The following CASZ1 variants were observed in gnomAD, a reference collection of about 807,000 sequenced individuals.
CASZ1 encodes castor zinc finger 1.
In CASZ1, 28 loss-of-function variants were observed where a neutral mutation model predicts 135.2. That is an observed-to-expected ratio of 0.21 (90% CI 0.15 to 0.28). The LOEUF is 0.28. Among genes scored for constraint, CASZ1 ranks in the 10% least tolerant of loss-of-function variants. The pLI, the probability that CASZ1 is intolerant of heterozygous loss-of-function variation, is 1.00. For missense variants in CASZ1, 2,161 were observed against 2,453.3 expected, an observed-to-expected ratio of 0.88 and a Z score of 2.52; for synonymous variants, 1,068 against 1,073.4, an observed-to-expected ratio of 0.99 and a Z score of 0.10.
chr1:10,757,676 C>T lies in CASZ1; in HGVS notation c.-77+3025G>A, dbSNP rs915956658. Reference sequence around the variant, plus strand: ...GGTGGCGCTTGCCTATAATCCCAGCCACTCGAGAGGCTGAGGCAGGAGAAT... The same window carrying T: ...GGTGGCGCTTGCCTATAATCCCAGCTACTCGAGAGGCTGAGGCAGGAGAAT... On this transcript the variant is annotated intron_variant, in intron 2 of 20. Coordinates refer to ENST00000377022, the MANE Select transcript of CASZ1 (RefSeq NM_001079843.3). This position sits in a 1 kb window ranked among gnomAD's most constrained non-coding sequence, Gnocchi z 4.6. Among the ~76,000 whole-genome samples, 1 of 152,094 alleles carries T rather than the reference C, an allele frequency of 6.6e-6. No homozygotes were observed. The highest frequency in any genetic ancestry group is 1.5e-5 in the Non-Finnish European group (1 of 68,020).
chr1:10,750,547 C>T lies in CASZ1; in HGVS notation c.-77+10154G>A, dbSNP rs896374122. On this transcript the variant is annotated intron_variant, in intron 2 of 20. Transcript: ENST00000377022. ...CCTTCCAAAACGCTGGGATTACAGG[C>T]GTGAGCCACTGTGCCCAGCCCTGCT... 8.2e-4 allele frequency among the ~76,000 whole-genome samples: 125 copies of T among 152,216 alleles called. 3 individuals are homozygous for T. The highest frequency in any genetic ancestry group is 3.3e-4 in the Admixed American group (5 of 15,296).
At chr1:10,645,745 GC>G in intron 17 of CASZ1, among the ~76,000 whole-genome samples, 1 of 152,328 alleles carries the variant, frequency 6.6e-6, no homozygotes, top group African/African-American at 2.4e-5. Context: ...TGGGAGTCAG[GC>G]CTTTAAGGTG....
chr1:10,638,634 G>A lies in CASZ1; in HGVS notation c.*308C>T, dbSNP rs968627700. 1.3e-5 allele frequency: 2 copies of A among 153,792 alleles called. No individual in the cohort carries two copies. The highest frequency in any genetic ancestry group is 6.5e-5 in the Admixed American group (1 of 15,278). 9.5% of individuals were successfully genotyped at this position (153,792 alleles called of 1,614,324 possible). A position where few individuals can be genotyped will look rare whatever the true frequency, so the allele number is the denominator to read the frequency against. ...GGGGCCGAATCGGCCGCGGGGAGGG[G>A]CGCCGGGGCAGCGGCCGGGAGCTGC... On this transcript the variant is annotated 3_prime_UTR_variant, in exon 21 of 21. Coordinates refer to ENST00000377022, the MANE Select transcript of CASZ1 (RefSeq NM_001079843.3). This position sits in a 1 kb window ranked among gnomAD's most constrained non-coding sequence, Gnocchi z 5.9.
intron 20 of CASZ1, among the ~76,000 whole-genome samples, chr1:10,641,277 G>T (rs1642192109): frequency 6.6e-6 from 1 of 152,258 alleles, no homozygotes. Flanking sequence ...GAAGTCACAG[G>T]GTCTGGTTAT....
chr1:10,740,428 G>A (rs1436856714), intron 2 of CASZ1, among the ~76,000 whole-genome samples: 1 of 152,192 alleles, frequency 6.6e-6, no homozygotes, highest in African/African-American at 2.4e-5. Context: ...GCTCCTTCTG[G>A]CTTATGCCTG....
Position 10,692,112 on chromosome 1 carries a change from C to T in CASZ1, c.16+1762G>A, listed in dbSNP as rs547536229. Among the ~76,000 whole-genome samples, 292 of 152,320 alleles carry T rather than the reference C, an allele frequency of 1.9e-3. 1 individual carries two copies. The highest frequency in any genetic ancestry group is 6.6e-3 in the African/African-American group (276 of 41,572). ...AGAGGCTCTGCCACCTGCCTCCTAC[C>T]AGGGCTGGGAGGCCCTCGCTCCAGT... On this transcript the variant is annotated intron_variant, in intron 4 of 20. Coordinates refer to ENST00000377022, the MANE Select transcript of CASZ1 (RefSeq NM_001079843.3).
intron 4 of CASZ1, among the ~76,000 whole-genome samples, chr1:10,680,534 A>C (rs1638380355): frequency 6.6e-6 from 1 of 152,152 alleles, no homozygotes; most frequent in African/African-American, 2.4e-5. Flanking sequence ...TTTGGGTCTC[A>C]GGGGGTGCAG....
intron 20 of CASZ1, among the ~76,000 whole-genome samples, chr1:10,641,425 T>A (rs537967863): frequency 1.3e-5 from 2 of 152,022 alleles, no homozygotes; most frequent in East Asian, 3.9e-4. Flanking sequence ...CCGGGTGGTG[T>A]CTACGCTCAA....
Position 10,725,803 on chromosome 1 carries a change from G to T in CASZ1, c.-76-20259C>A, listed in dbSNP as rs1639585813. 6.6e-6 allele frequency among the ~76,000 whole-genome samples: 1 copy of T among 151,974 alleles called. No homozygotes were observed. Among genetic ancestry groups the T allele is most frequent in the Non-Finnish European group, 1.5e-5 (1 of 67,974 alleles). ...AGTGACAAGACAGCGGCAGTGGGGTGGGGAGGGAATGGCAAGGGGGGCCTG... is the reference window on the plus strand; with the variant it reads ...AGTGACAAGACAGCGGCAGTGGGGTTGGGAGGGAATGGCAAGGGGGGCCTG... On this transcript the variant is annotated intron_variant, in intron 2 of 20. Transcript: ENST00000377022. The surrounding 1 kb of genome is among the most constrained non-coding windows in gnomAD (Gnocchi z 4.4).
At chr1:10,744,432 C>T in intron 2 of CASZ1, among the ~76,000 whole-genome samples, 1 of 41,360 alleles carries the variant, frequency 2.4e-5, no homozygotes, top group Non-Finnish European at 4.7e-5. Context: ...CACGAGCAGG[C>T]ATGTCCTGGG....
At chr1:10,651,338 G>A (rs1642576523) in intron 11 of CASZ1, 1 of 244,788 alleles carries the variant, frequency 4.1e-6, no homozygotes, top group South Asian at 1.5e-4. Flanking sequence ...GGAGGGGGCT[G>A]GGGTGGGGGC....
rs753242915 is a variant in CASZ1 at position 10,655,720 on chromosome 1, G to A, written c.1594C>T (p.Leu532=). 2 of 1,614,198 alleles carry A rather than the reference G, an allele frequency of 1.2e-6. No individual in the cohort carries two copies. Among genetic ancestry groups the A allele is most frequent in the Non-Finnish European group, 1.7e-6 (2 of 1,180,008 alleles). Residue 532 remains leucine, a synonymous_variant, in exon 9 of 21, where the codon CTG becomes TTG. Transcript: ENST00000377022. ...LQHGFMRFSP[L]DDCSVYYHGC... Reference sequence around the variant, plus strand: ...TGGTAGTAGACGCTGCAGTCGTCCAGCGGGCTGAAACGCATGAAGCCGTGC... The same window carrying A: ...TGGTAGTAGACGCTGCAGTCGTCCAACGGGCTGAAACGCATGAAGCCGTGC...
chr1:10,740,833 C>T (rs1639903654), intron 2 of CASZ1, among the ~76,000 whole-genome samples: 1 of 151,282 alleles, frequency 6.6e-6, no homozygotes, highest in Non-Finnish European at 1.5e-5. Context: ...TGGCGCACAC[C>T]TGTAGTTCTG....
rs1369685029 is a variant in CASZ1 at position 10,759,350 on chromosome 1, C to T, written c.-77+1351G>A. Among the ~76,000 whole-genome samples the T allele has an allele frequency of 6.6e-6, 1 of 152,150 alleles. No individual in the cohort carries two copies. Among genetic ancestry groups the T allele is most frequent in the African/African-American group, 2.4e-5 (1 of 41,432 alleles). ...AGAAGACTTCAGCGCCACGAAACTC[C>T]CCCCACGGCCTTTTCCAGGTGACAG... On this transcript the variant is annotated intron_variant, in intron 2 of 20. Coordinates refer to ENST00000377022, the MANE Select transcript of CASZ1 (RefSeq NM_001079843.3). The surrounding 1 kb of genome is among the most constrained non-coding windows in gnomAD (Gnocchi z 4.2).
chr1:10,686,427 C>T (rs1638593436), intron 4 of CASZ1, among the ~76,000 whole-genome samples: 1 of 152,214 alleles, frequency 6.6e-6, no homozygotes, highest in South Asian at 2.1e-4. Context: ...TGTATCACGC[C>T]CCCTCTCACC....
At chr1:10,780,048 C>G (rs1384104363) in intron 1 of CASZ1, among the ~76,000 whole-genome samples, 1 of 152,188 alleles carries the variant, frequency 6.6e-6, no homozygotes, top group East Asian at 1.9e-4. Context: ...CCCAGAGAGA[C>G]ACGGGTTCCA....
At chr1:10,652,904 G>T (rs543077125) in intron 11 of CASZ1, 1 of 176,366 alleles carries the variant, frequency 5.7e-6, no homozygotes, top group Non-Finnish European at 1.2e-5. Flanking sequence ...GGGAGCCTGG[G>T]AAGGGCGTCC....
chr1:10,647,946 C>G lies in CASZ1; in HGVS notation c.3352G>C (p.Ala1118Pro), dbSNP rs750478328. ...ATGGTGGAAGCCAGCTGCTTCCAGG[C>G]GAGCAGGGTGGGGGTGGAGGGCACG... ...ASVPSTPTLL[A>P]WKQLASTIPQ... Residue 1118 changes from alanine to proline, a missense_variant, in exon 16 of 21, where the codon GCC becomes CCC. Coordinates refer to ENST00000377022, the MANE Select transcript of CASZ1 (RefSeq NM_001079843.3). The surrounding 1 kb of genome is among the most constrained non-coding windows in gnomAD (Gnocchi z 4.9). 6.2e-7 allele frequency: 1 copy of G among 1,610,006 alleles called. No homozygotes were observed. The highest frequency in any genetic ancestry group is 1.1e-5 in the South Asian group (1 of 90,954).
At position 10,776,054 on chromosome 1, in the gene CASZ1, G is replaced by A. The variant is rs151045683; in HGVS notation, c.-233-15197C>T. On this transcript the variant is annotated intron_variant, in intron 1 of 20. Coordinates refer to ENST00000377022, the MANE Select transcript of CASZ1 (RefSeq NM_001079843.3). This position sits in a 1 kb window ranked among gnomAD's most constrained non-coding sequence, Gnocchi z 4.1. ...CGGTCCCTGTAGCTAATTTACACCC[G>A]TCAGGGTTTAAAATAGCAGAGGCAT... Among the ~76,000 whole-genome samples the A allele has an allele frequency of 3.9e-5, 6 of 152,266 alleles. No individual in the cohort carries two copies. The highest frequency in any genetic ancestry group is 7.4e-5 in the Non-Finnish European group (5 of 68,020).
Sources: gnomAD v4.1 joint callset for allele counts (sites outside exome capture counted in the v4.1 genomes callset) on GRCh38, gnomAD v4.1.1 for gene constraint, Gnocchi (gnomAD v3.1) non-coding constraint, MANE v1.5 for transcripts, NCBI Gene and HGNC (gene_info 2026-07-23, HGNC 2026-07-21) for gene names.